UBASH3B: variants seen among roughly 807,000 people sequenced by gnomAD.
The protein encoded by UBASH3B is ubiquitin-associated and SH3 domain-containing protein B.
UBASH3B carries 37 observed loss-of-function variants against 83.4 expected under a neutral mutation model. That is an observed-to-expected ratio of 0.44 (90% confidence interval 0.34 to 0.58). UBASH3B has a LOEUF of 0.58. Ranked by LOEUF, UBASH3B falls within the 20% of genes least tolerant of loss-of-function variation. UBASH3B has a pLI of 0.01. For synonymous variants in UBASH3B, 304 were observed against 318.3 expected (o/e 0.96, Z 0.48); for missense variants, 657 against 827.2 (o/e 0.79, Z 2.52).
Position 122,812,146 on chromosome 11 carries a change from A to G in UBASH3B, c.*2260A>G, listed in dbSNP as rs1403138814. The stretch of plus-strand genomic sequence containing the variant: ...TCCAATATGGACACTGCCTTAGGCA[A>G]TGGTCTATATAAGCAAAAGGAGATA... On this transcript the variant is annotated 3_prime_UTR_variant, in exon 14 of 14. Coordinates refer to ENST00000284273, the MANE Select transcript of UBASH3B (RefSeq NM_032873.5). 6.6e-6 allele frequency: 1 copy of G among 152,248 alleles called. No homozygotes were observed. The highest frequency in any genetic ancestry group is 1.5e-5 in the Non-Finnish European group (1 of 68,038). 9.4% of individuals were successfully genotyped at this position (152,248 alleles called of 1,614,324 possible).
intron 1 of UBASH3B, among the ~76,000 whole-genome samples, chr11:122,670,830 G>C (rs556945002): frequency 2.6e-5 from 4 of 152,108 alleles, no homozygotes; most frequent in Admixed American, 2.6e-4. Flanking sequence ...TGGTGCGACT[G>C]TGGCTCTCTG....
At chr11:122,705,181 T>C (rs1864098923) in intron 1 of UBASH3B, among the ~76,000 whole-genome samples, 1 of 152,160 alleles carries the variant, frequency 6.6e-6, no homozygotes, top group Non-Finnish European at 1.5e-5. Context: ...GAGCAGTGGC[T>C]CATGCCTGTA....
intron 1 of UBASH3B, among the ~76,000 whole-genome samples, chr11:122,693,692 G>A (rs1308135710): frequency 6.6e-6 from 1 of 151,884 alleles, no homozygotes; most frequent in Admixed American, 6.6e-5. Context: ...GCCCAACATG[G>A]TGAAACCCCG....
At chr11:122,720,547 C>G (rs973286937) in intron 1 of UBASH3B, among the ~76,000 whole-genome samples, 2 of 152,230 alleles carry the variant, frequency 1.3e-5, no homozygotes, top group African/African-American at 2.4e-5. Context: ...AAATCTAAAG[C>G]CTTCCTGTCT....
intron 1 of UBASH3B, among the ~76,000 whole-genome samples, chr11:122,767,602 C>T (rs1392807082): frequency 2.0e-5 from 3 of 152,208 alleles, no homozygotes; most frequent in Admixed American, 6.5e-5. Context: ...TGAGCCACCA[C>T]GCCCGGCCCC....
At chr11:122,792,295 ATTTTCTTTTTTT>A (rs983161457) in intron 6 of UBASH3B, among the ~76,000 whole-genome samples, 5 of 143,606 alleles carry the variant, frequency 3.5e-5, no homozygotes, top group South Asian at 2.3e-4. Flanking sequence ...ATAAAACTGG[ATTTTCTTTTTTT>A]TTTTCTTTTT....
chr11:122,717,929 AAGTCTCACTCTGTCACC>A (rs71897710), intron 1 of UBASH3B, among the ~76,000 whole-genome samples: 8,701 of 148,578 alleles, frequency 0.059, 710 homozygotes, highest in African/African-American at 0.18. Flanking sequence ...TTTTTCGGAC[AAGTCTCACTCTGTCACC>A]AGTCTCACTC....
intron 1 of UBASH3B, among the ~76,000 whole-genome samples, chr11:122,679,308 G>A (rs1863709069): frequency 6.6e-6 from 1 of 152,232 alleles, no homozygotes; most frequent in Non-Finnish European, 1.5e-5. Context: ...GGAGAAGCTG[G>A]CGACAATTGC....
At chr11:122,762,486 A>C (rs1336600383) in intron 1 of UBASH3B, among the ~76,000 whole-genome samples, 1 of 152,176 alleles carries the variant, frequency 6.6e-6, no homozygotes, top group Non-Finnish European at 1.5e-5. Flanking sequence ...GCTCAGCAAA[A>C]ATGCACACCC....
intron 1 of UBASH3B, among the ~76,000 whole-genome samples, chr11:122,662,813 T>G (rs1863463449): frequency 1.3e-5 from 2 of 151,950 alleles, no homozygotes; most frequent in Admixed American, 6.5e-5. Flanking sequence ...TGTACTTGGC[T>G]TCTTTCCTTC....
chr11:122,766,223 A>T (rs909107265), intron 1 of UBASH3B, among the ~76,000 whole-genome samples: 1 of 152,166 alleles, frequency 6.6e-6, no homozygotes, highest in African/African-American at 2.4e-5. Flanking sequence ...CATAGTTGCC[A>T]ATTAGGAGAA....
chr11:122,779,273 G>A (rs1324588490), intron 3 of UBASH3B: 6 of 592,800 alleles, frequency 1.0e-5, no homozygotes, highest in Admixed American at 2.9e-5. Context: ...GCAAGGAAAG[G>A]AGGGAAGAGG....
At position 122,759,234 on chromosome 11, in the gene UBASH3B, C is replaced by T. The variant is rs907182098; in HGVS notation, c.162-16985C>T. ...GCTACAAGCCACTCTCAGGTCCTAACGAGGCTGCCTGCAGTTCCTTGCCAC... is the reference window on the plus strand; with the variant it reads ...GCTACAAGCCACTCTCAGGTCCTAATGAGGCTGCCTGCAGTTCCTTGCCAC... On this transcript the variant is annotated intron_variant, in intron 1 of 13. Transcript: ENST00000284273. The surrounding 1 kb of genome is among the most constrained non-coding windows in gnomAD (Gnocchi z 4.1). Among the ~76,000 whole-genome samples, 1 of 152,232 alleles carries T rather than the reference C, an allele frequency of 6.6e-6. No homozygotes were observed. Among genetic ancestry groups the T allele is most frequent in the Non-Finnish European group, 1.5e-5 (1 of 68,046 alleles).
intron 1 of UBASH3B, among the ~76,000 whole-genome samples, chr11:122,750,654 T>A (rs1861185319): frequency 6.6e-6 from 1 of 152,138 alleles, no homozygotes; most frequent in South Asian, 2.1e-4. Flanking sequence ...TTAATAGCCG[T>A]TTTGCATCTC....
intron 1 of UBASH3B, among the ~76,000 whole-genome samples, chr11:122,674,992 GTACTGGGAT>G (rs1278292021): frequency 3.9e-5 from 6 of 152,140 alleles, no homozygotes; most frequent in Non-Finnish European, 8.8e-5. Flanking sequence ...GTCTCCCAAA[GTACTGGGAT>G]TACAGGCATA....
chr11:122,757,799 C>T (rs935828126), intron 1 of UBASH3B, among the ~76,000 whole-genome samples: 2 of 147,562 alleles, frequency 1.4e-5, no homozygotes, highest in Non-Finnish European at 3.0e-5. Context: ...CTGCAACCTT[C>T]GCCTCCCAGG....
intron 1 of UBASH3B, among the ~76,000 whole-genome samples, chr11:122,731,205 T>A (rs1047774346): frequency 3.3e-5 from 5 of 152,248 alleles, no homozygotes; most frequent in Admixed American, 2.0e-4. Context: ...TATCATGCAC[T>A]ATGGCTATAA....
At chr11:122,809,242 T>A (rs143503167) in intron 13 of UBASH3B, among the ~76,000 whole-genome samples, 2,419 of 152,184 alleles carry the variant, frequency 0.016, 78 homozygotes, top group African/African-American at 0.055. Flanking sequence ...GCCCAGCTAA[T>A]TTTTTGTATT....
chr11:122,711,682 T>C (rs1400155333), intron 1 of UBASH3B, among the ~76,000 whole-genome samples: 1 of 152,134 alleles, frequency 6.6e-6, no homozygotes, highest in African/African-American at 2.4e-5. Context: ...AGAATCAAGG[T>C]TTTCTGATAG....
Sources: gnomAD v4.1 joint callset for allele counts (sites outside exome capture counted in the v4.1 genomes callset) on GRCh38, gnomAD v4.1.1 for gene constraint, Gnocchi (gnomAD v3.1) non-coding constraint, MANE v1.5 for transcripts, NCBI Gene and HGNC (gene_info 2026-07-23, HGNC 2026-07-21) for gene names.